The following RIN1 variants were observed in gnomAD, a reference collection of about 807,000 sequenced individuals.
The protein encoded by RIN1 is ras inhibitor 1.
RIN1 carries 52 observed loss-of-function variants against 64.9 expected under a neutral mutation model. The ratio of observed to expected loss-of-function variants is 0.80; its 90% confidence interval spans 0.64 to 1.01. RIN1 has a LOEUF of 1.01. Ranked by LOEUF, RIN1 falls within the 50% of genes least tolerant of loss-of-function variation. RIN1 has a pLI of 0.00. For synonymous variants in RIN1, 486 were observed against 483.6 expected (o/e 1.00, Z -0.06); for missense variants, 1,040 against 1,064.5 (o/e 0.98, Z 0.32).
intron 9 of RIN1, 171 bp from the exon 10 acceptor site, chr11:66,332,923 G>T: frequency 1.6e-6 from 1 of 628,246 alleles, no homozygotes; most frequent in Non-Finnish European, 2.7e-6. Flanking sequence ...CGGCTTGTGG[G>T]CCACAGCCGC....
chr11:66,335,958 G>A lies in RIN1; in HGVS notation c.267+20C>T, dbSNP rs781715458. ...CCCACCCCTGGCTGGCCAGTCCCTGGAGTGTGGGGCAAGACTCACCCCCGG... is the reference window on the plus strand; with the variant it reads ...CCCACCCCTGGCTGGCCAGTCCCTGAAGTGTGGGGCAAGACTCACCCCCGG... On this transcript the variant is annotated intron_variant, in intron 2 of 9. Transcript: ENST00000311320. 159 of 1,486,680 alleles carry A rather than the reference G, an allele frequency of 1.1e-4. 3 individuals are homozygous for A. The highest frequency in any genetic ancestry group is 2.5e-5 in the Non-Finnish European group (28 of 1,118,518). 92.1% of individuals were successfully genotyped at this position (1,486,680 alleles called of 1,614,324 possible).
rs1362579495 is a variant in RIN1 at position 66,331,689 on chromosome 11, G to C, written c.*587C>G. 2.0e-5 allele frequency: 3 copies of C among 152,556 alleles called. No individual in the cohort carries two copies. Among genetic ancestry groups the C allele is most frequent in the Admixed American group, 2.0e-4 (3 of 15,302 alleles). The allele number at this position is 152,556 out of a possible 1,614,324, so 9.5% of individuals were successfully genotyped here. On this transcript the variant is annotated 3_prime_UTR_variant, in exon 10 of 10. Coordinates refer to ENST00000311320, the MANE Select transcript of RIN1 (RefSeq NM_004292.3). Reference sequence around the variant, plus strand: ...CCATTTTGATCACTGGGACACTTCTGGGAGCCGAGCAGGGCAGCAATAGTG... The same window carrying C: ...CCATTTTGATCACTGGGACACTTCTCGGAGCCGAGCAGGGCAGCAATAGTG...
chr11:66,332,567 C>T lies in RIN1; in HGVS notation c.2061G>A (p.Gly687=), dbSNP rs147747990. Residue 687 remains glycine, a synonymous_variant, in exon 10 of 10, where the codon GGG becomes GGA. Transcript: ENST00000311320. ...TGGTGGGCAGCCTGTGGGCCAGGGC[C>T]CCAGGGGGCAGGCGGTGGTAGCCCT... is the stretch of plus-strand genomic sequence containing the variant. ...KEQGYHRLPP[G]ALAHRLPTTG... The T allele has an allele frequency of 8.3e-5, 134 of 1,612,558 alleles. No individual in the cohort carries two copies. Among genetic ancestry groups the T allele is most frequent in the Admixed American group, 1.3e-4 (8 of 59,928 alleles).
At position 66,333,408 on chromosome 11, in the gene RIN1, A is replaced by G; in HGVS notation, c.1725T>C (p.Gly575=). 1 of 1,606,924 alleles carries G rather than the reference A, an allele frequency of 6.2e-7. No individual in the cohort carries two copies. The highest frequency in any genetic ancestry group is 1.3e-5 in the African/African-American group (1 of 74,916). The change falls in exon 9 of 10, where the codon GGT becomes GGC. Residue 575 remains glycine (G), a splice_region_variant and synonymous_variant. Coordinates refer to ENST00000311320, the MANE Select transcript of RIN1 (RefSeq NM_004292.3). The part of the protein sequence containing the change: ...LLEPSLLTGE[G]GYYLTSLSAS... Reference sequence around the variant, plus strand: ...CAGAGAGGCTGGTCAGGTAGTAGCCACCTGGGACACAGGGTGGAAGAACAC... The same window carrying G: ...CAGAGAGGCTGGTCAGGTAGTAGCCGCCTGGGACACAGGGTGGAAGAACAC...
rs906638188 is a variant in RIN1 at position 66,334,727 on chromosome 11, G to A, written c.1072C>T (p.Leu358=). The stretch of plus-strand genomic sequence containing the variant: ...CGGCCCACCTGCCGCTCCGGTGCCA[G>A]TAGGGAGCAGAAGGCGGCGCTCATG... The part of the protein sequence containing the change: ...RSMSAAFCSL[L]APERQVGRAA... Residue 358 remains leucine (L), a synonymous_variant, in exon 6 of 10, where the codon CTG becomes TTG. Coordinates refer to ENST00000311320, the MANE Select transcript of RIN1 (RefSeq NM_004292.3). 3 of 1,549,522 alleles carry A rather than the reference G, an allele frequency of 1.9e-6. No homozygotes were observed. In the African/African-American group the frequency reaches 4.1e-5, roughly 21 times the overall value.
rs751028918 is a variant in RIN1 at position 66,335,015 on chromosome 11, C to T, written c.784G>A (p.Val262Met). ...ETSSPLSPPAVPPPPVPVLPG... is the reference protein window; with the variant it reads ...ETSSPLSPPAMPPPPVPVLPG... The stretch of plus-strand genomic sequence containing the variant: ...AGCACGGGGACGGGGGGAGGTGGCA[C>T]GGCAGGTGGAGACAGGGGGCTGGAG... Residue 262 changes from valine (V) to methionine (M), a missense_variant, in exon 6 of 10, where the codon GTG (valine) becomes ATG (methionine). Val to Met is a conservative substitution (Grantham distance 21). Coordinates refer to ENST00000311320, the MANE Select transcript of RIN1 (RefSeq NM_004292.3). 17 of 1,538,668 alleles carry T rather than the reference C, an allele frequency of 1.1e-5. No homozygotes were observed. Among genetic ancestry groups the T allele is most frequent in the South Asian group, 6.4e-5 (5 of 78,684 alleles).
chr11:66,330,268 A>G lies in RIN1; in HGVS notation c.*2008T>C, dbSNP rs1854712065. On this transcript the variant is annotated 3_prime_UTR_variant, in exon 10 of 10. Transcript: ENST00000311320. ...AGTGAACAACATTTATTGAACACCT[A>G]TGGCATTTGTGCTCAGCATTGGACT... The G allele has an allele frequency of 1.3e-5, 2 of 152,166 alleles. No individual in the cohort carries two copies. 9.4% of individuals were successfully genotyped at this position (152,166 alleles called of 1,614,324 possible). A position where few individuals can be genotyped will look rare whatever the true frequency, so the allele number is the denominator to read the frequency against.
rs1854743948 is a variant in RIN1, at chr11:66,332,049, A to G, written c.*227T>C. The G allele has an allele frequency of 3.4e-6, 2 of 581,648 alleles. No individual in the cohort carries two copies. The highest frequency in any genetic ancestry group is 3.7e-5 in the African/African-American group (2 of 53,524). 36.0% of individuals were successfully genotyped at this position (581,648 alleles called of 1,614,324 possible). On this transcript the variant is annotated 3_prime_UTR_variant, in exon 10 of 10. Transcript: ENST00000311320. ...TCACCCTCAGCTGGGGGAGAAGAAC[A>G]AGAGGCAAGGGGCCTTGGGCACACA...
rs1854791747 is a variant in RIN1 at position 66,333,587 on chromosome 11, G to A, written c.1663C>T (p.Leu555=). 2 of 1,613,576 alleles carry A rather than the reference G, an allele frequency of 1.2e-6. No homozygotes were observed. The highest frequency in any genetic ancestry group is 4.5e-5 in the East Asian group (2 of 44,884). ...GACATGTACTCGGCCTCCAGCAGCA[G>A]CTCAGGAAGGTCACAGTGGGCCAAG... ...LVLAHCDLPE[L]LLEAEYMSEL... is the part of the protein sequence containing the mutation. Residue 555 remains leucine (L), a synonymous_variant, in exon 8 of 10, where the codon CTG becomes TTG. Coordinates refer to ENST00000311320, the MANE Select transcript of RIN1 (RefSeq NM_004292.3).
chr11:66,335,924 C>T lies in RIN1; in HGVS notation c.268-48G>A, dbSNP rs558627512. 1.3e-5 allele frequency: 19 copies of T among 1,499,636 alleles called. No homozygotes were observed. The East Asian group carries it at 1.9e-4, about 15-fold the overall frequency. 92.9% of individuals were successfully genotyped at this position (1,499,636 alleles called of 1,614,324 possible). On this transcript the variant is annotated intron_variant, in intron 2 of 9. Transcript: ENST00000311320. ...CAGCTCAGGACCTTGGCGTCCCATC[C>T]CTCTCCCTCCCACCCCTGGCTGGCC... is the stretch of plus-strand genomic sequence containing the variant.
upstream of RIN1, chr11:66,336,594 AT>A: frequency 1.7e-6 from 1 of 578,444 alleles, no homozygotes; most frequent in Admixed American, 3.1e-5. Context: ...GGTCCCCTCC[AT>A]GCTAGCCCTG....
chr11:66,334,308 CGGGGAG>C, intron 6 of RIN1, 84 bp from the exon 7 acceptor site: 1 of 1,293,140 alleles, frequency 7.7e-7, no homozygotes, highest in Non-Finnish European at 1.0e-6. Flanking sequence ...GGGGTAGAAT[CGGGGAG>C]GAGAGGCAAG....
At position 66,332,245 on chromosome 11, in the gene RIN1, C is replaced by T. The variant is rs201026540; in HGVS notation, c.*31G>A. 3.4e-5 allele frequency: 55 copies of T among 1,601,108 alleles called. No homozygotes were observed. Among genetic ancestry groups the T allele is most frequent in the Middle Eastern group, 3.3e-4 (2 of 6,052 alleles). On this transcript the variant is annotated 3_prime_UTR_variant, in exon 10 of 10. Coordinates refer to ENST00000311320, the MANE Select transcript of RIN1 (RefSeq NM_004292.3). The stretch of plus-strand genomic sequence containing the variant: ...ATTTCTCAGCAGGCTCAGGGTCTCC[C>T]GCCCCGAATGACCCTTCTGGCCACT...
Position 66,332,541 on chromosome 11 carries a change from G to A in RIN1, c.2087C>T (p.Thr696Ile), listed in dbSNP as rs1338113671. The change falls in exon 10 of 10, where the codon ACT becomes ATT. Residue 696 changes from threonine (T) to isoleucine (I), a missense_variant. Thr to Ile is a moderately conservative substitution (Grantham distance 89). Transcript: ENST00000311320. The part of the protein sequence containing the change: ...PGALAHRLPT[T>I]GYLVYRRAEW... The stretch of plus-strand genomic sequence containing the variant: ...CGCCCGGCGGTAGACGAGGTAGCCA[G>A]TGGTGGGCAGCCTGTGGGCCAGGGC... 19 of 1,613,384 alleles carry A rather than the reference G, an allele frequency of 1.2e-5. No individual in the cohort carries two copies. Among genetic ancestry groups the A allele is most frequent in the Admixed American group, 5.0e-5 (3 of 59,996 alleles).
In RIN1 at chr11:66,332,719, T is replaced by C; in HGVS notation, c.1909A>G (p.Ser637Gly). 6.5e-7 allele frequency: 1 copy of C among 1,526,788 alleles called. No individual in the cohort carries two copies. The highest frequency in any genetic ancestry group is 8.8e-7 in the Non-Finnish European group (1 of 1,138,308). 94.6% of individuals were successfully genotyped at this position (1,526,788 alleles called of 1,614,324 possible). A position where few individuals can be genotyped will look rare whatever the true frequency, so the allele number is the denominator to read the frequency against. ...GCCAGGGTCTTGGAGGTGCAGCCACTGCTGGGATCCTGATAGGCTACTCGG... is the reference window on the plus strand; with the variant it reads ...GCCAGGGTCTTGGAGGTGCAGCCACCGCTGGGATCCTGATAGGCTACTCGG... ...LLRVAYQDPS[S>G]GCTSKTLAVP... Residue 637 changes from serine (S) to glycine (G), a missense_variant, in exon 10 of 10, where the codon AGT (serine) becomes GGT (glycine). Coordinates refer to ENST00000311320, the MANE Select transcript of RIN1 (RefSeq NM_004292.3).
chr11:66,333,049 C>A, intron 9 of RIN1: 1 of 625,706 alleles, frequency 1.6e-6, no homozygotes, highest in Admixed American at 2.9e-5. Flanking sequence ...ACCTCAACCC[C>A]AGGAGGTAGG....
Position 66,331,186 on chromosome 11 carries a change from G to C in RIN1, c.*1090C>G, listed in dbSNP as rs1231469122. On this transcript the variant is annotated 3_prime_UTR_variant, in exon 10 of 10. Coordinates refer to ENST00000311320, the MANE Select transcript of RIN1 (RefSeq NM_004292.3). ...TGTTTGGATTTGCTGCCTGCTCTGGGCTTCCTTGGGGGCTGCCCCGGCCTT... is the reference window on the plus strand; with the variant it reads ...TGTTTGGATTTGCTGCCTGCTCTGGCCTTCCTTGGGGGCTGCCCCGGCCTT... 2 of 152,656 alleles carry C rather than the reference G, an allele frequency of 1.3e-5. No homozygotes were observed. Among genetic ancestry groups the C allele is most frequent in the African/African-American group, 4.8e-5 (2 of 41,484 alleles). The allele number at this position is 152,656 out of a possible 1,614,324, so 9.5% of individuals were successfully genotyped here. A position where few individuals can be genotyped will look rare whatever the true frequency, so the allele number is the denominator to read the frequency against.
rs144556775 is a variant in RIN1, at chr11:66,332,393, G to T, written c.2235C>A (p.Pro745=). 108 of 1,614,162 alleles carry T rather than the reference G, an allele frequency of 6.7e-5. No individual in the cohort carries two copies. In the African/African-American group the frequency reaches 1.1e-3, roughly 17 times the overall value. The part of the protein sequence containing the change: ...GDGDAGVKAS[P]RDIREQSETT... ...TCTCAGACTGTTCCCGAATGTCCCT[G>T]GGGCTGGCTTTGACCCCAGCATCCC... is the stretch of plus-strand genomic sequence containing the variant. The change falls in exon 10 of 10, where the codon CCC becomes CCA. Residue 745 remains proline (P), a synonymous_variant. Coordinates refer to ENST00000311320, the MANE Select transcript of RIN1 (RefSeq NM_004292.3).
chr11:66,333,453 G>T (rs202088398), intron 8 of RIN1, 44 bp from the exon 9 acceptor site: 1 of 1,603,896 alleles, frequency 6.2e-7, no homozygotes, highest in Non-Finnish European at 8.5e-7. Context: ...TGGGTGTGGG[G>T]CACCCCATCC....
Sources: gnomAD v4.1 joint callset for allele counts on GRCh38, gnomAD v4.1.1 for gene constraint, MANE v1.5 for transcripts, NCBI Gene and HGNC (gene_info 2026-07-23, HGNC 2026-07-21) for gene names.